The following SLC4A1 variants were observed in gnomAD, a reference collection of about 807,000 sequenced individuals.
SLC4A1 encodes the protein band 3 anion transport protein.
Under a neutral mutation model 93.1 loss-of-function variants are expected in SLC4A1, and 29 were observed. The observed-to-expected ratio is 0.31, with a 90% confidence interval of 0.23 to 0.42. The LOEUF (loss-of-function observed/expected upper bound fraction) is 0.42, where lower values mean the gene tolerates loss of function less well. Among genes scored for constraint, SLC4A1 ranks in the 20% least tolerant of loss-of-function variants. The pLI is 1.00. For synonymous variants in SLC4A1, 469 were observed against 497.2 expected, an observed-to-expected ratio of 0.94 and a Z score of 0.76; for missense variants, 965 against 1,190.1, an observed-to-expected ratio of 0.81 and a Z score of 2.78.
chr17:44,257,665 G>C lies in SLC4A1; in HGVS notation c.1425C>G (p.Phe475Leu). 1 of 1,613,782 alleles carries C rather than the reference G, an allele frequency of 6.2e-7. No homozygotes were observed. The highest frequency in any genetic ancestry group is 8.5e-7 in the Non-Finnish European group (1 of 1,179,948). Residue 475 changes from phenylalanine (F) to leucine (L), a missense_variant, in exon 12 of 20, where the codon TTC (phenylalanine) becomes TTG (leucine). Physicochemically the swap from Phe to Leu is conservative, Grantham distance 22. Transcript: ENST00000262418. The part of the protein sequence containing the change: ...SGPLLVFEEA[F>L]FSFCETNGLE... ...GGGGCAAGGACAGAACTACCGAGAA[G>C]AAGGCTTCCTCAAACACCAGCAGGG...
rs199694087 is a variant in SLC4A1, at chr17:44,250,478, C to G, written c.2716G>C (p.Glu906Gln). 954 of 1,613,890 alleles carry G rather than the reference C, an allele frequency of 5.9e-4. 9 individuals are homozygous for G. In the South Asian group the frequency reaches 9.7e-3, roughly 16 times the overall value. ...DEEEGRDEYDEVAMPV is the reference protein window; with the variant it reads ...DEEEGRDEYDQVAMPV ...GCCCCTCACACAGGCATGGCCACTT[C>G]GTCGTATTCATCCCGACCTTCCTCC... The change falls in exon 20 of 20, where the codon GAA becomes CAA. Residue 906 changes from glutamate (E) to glutamine (Q), a missense_variant. Glu to Gln is a conservative substitution (Grantham distance 29). Transcript: ENST00000262418.
chr17:44,251,657 T>C lies in SLC4A1; in HGVS notation c.2312-69A>G, dbSNP rs1598295629. On this transcript the variant is annotated intron_variant, in intron 17 of 19. Transcript: ENST00000262418. Reference sequence around the variant, plus strand: ...TGGCACCAGTGGGGGGTCAGGCCCCTATCTGGGGCTGGGAATAAAACACAG... The same window carrying C: ...TGGCACCAGTGGGGGGTCAGGCCCCCATCTGGGGCTGGGAATAAAACACAG... The C allele has an allele frequency of 9.7e-6, 14 of 1,440,616 alleles. No individual in the cohort carries two copies. In the East Asian group the frequency reaches 3.0e-4, roughly 31 times the overall value. The allele number at this position is 1,440,616 out of a possible 1,614,324, so 89.2% of individuals were successfully genotyped here.
At position 44,250,109 on chromosome 17, in the gene SLC4A1, C is replaced by T. The variant is rs1465204; in HGVS notation, c.*349G>A. 0.026 allele frequency: 8,718 copies of T among 339,414 alleles called. 735 individuals carry two copies. Among genetic ancestry groups the T allele is most frequent in the African/African-American group, 0.17 (8,087 of 47,770 alleles). The allele number at this position is 339,414 out of a possible 1,614,324, so 21.0% of individuals were successfully genotyped here. ...AAGGTCACACAGCAAGCACCCCACC[C>T]GCTCACCCACCTCCTGCCTTTGCTT... On this transcript the variant is annotated 3_prime_UTR_variant, in exon 20 of 20. Coordinates refer to ENST00000262418, the MANE Select transcript of SLC4A1 (RefSeq NM_000342.4).
At chr17:44,263,015 A>C in intron 1 of SLC4A1, 81 bp from the exon 2 acceptor site, 2 of 1,142,610 alleles carry the variant, frequency 1.8e-6, no homozygotes, top group Non-Finnish European at 2.6e-6. Flanking sequence ...GCCACATGTC[A>C]GTGGAGGGGA....
At position 44,258,022 on chromosome 17, in the gene SLC4A1, C is replaced by A; in HGVS notation, c.1246G>T (p.Ala416Ser). 6.2e-7 allele frequency: 1 copy of A among 1,614,104 alleles called. No homozygotes were observed. The highest frequency in any genetic ancestry group is 1.3e-5 in the African/African-American group (1 of 75,014). The change falls in exon 11 of 20, where the codon GCA becomes TCA. Residue 416 changes from alanine to serine, a missense_variant. Around this residue, in one of 2 missense-constraint regions of SLC4A1, gnomAD observed 770 missense variants for 1,006.6 expected, o/e 0.76. Transcript: ENST00000262418. The surrounding 1 kb of genome is among the most constrained non-coding windows in gnomAD (Gnocchi z 6.1). The stretch of plus-strand genomic sequence containing the variant: ...CCGAAGGTGATGGCGGGTGACAGTG[C>A]AGCAAAGTAGATGAAGATGACGGCA... ...LAAVIFIYFA[A>S]LSPAITFGGL...
rs774731313 is a variant in SLC4A1, at chr17:44,250,415, G to T, written c.*43C>A. ...CTTCTGCTTTTCCTTGGAAGGTGGGGATGTGGAATGGTGGGGGAGGGTCTA... is the reference window on the plus strand; with the variant it reads ...CTTCTGCTTTTCCTTGGAAGGTGGGTATGTGGAATGGTGGGGGAGGGTCTA... On this transcript the variant is annotated 3_prime_UTR_variant, in exon 20 of 20. Transcript: ENST00000262418. 1.4e-6 allele frequency: 2 copies of T among 1,468,832 alleles called. No individual in the cohort carries two copies. Among genetic ancestry groups the T allele is most frequent in the South Asian group, 2.3e-5 (2 of 88,056 alleles). 91.0% of individuals were successfully genotyped at this position (1,468,832 alleles called of 1,614,324 possible). A position where few individuals can be genotyped will look rare whatever the true frequency, so the allele number is the denominator to read the frequency against.
At position 44,262,905 on chromosome 17, in the gene SLC4A1, A is replaced by C. The variant is rs1348593690; in HGVS notation, c.-39T>G. 6.2e-7 allele frequency: 1 copy of C among 1,613,692 alleles called. No individual in the cohort carries two copies. Among genetic ancestry groups the C allele is most frequent in the Non-Finnish European group, 8.5e-7 (1 of 1,180,022 alleles). ...GTGTCCAGTTGTCTACGGTGATCTG[A>C]GCCCCCAGCATAACCCGCACCGCGG... On this transcript the variant is annotated 5_prime_UTR_variant, in exon 2 of 20. Coordinates refer to ENST00000262418, the MANE Select transcript of SLC4A1 (RefSeq NM_000342.4).
In SLC4A1 at chr17:44,249,591, A is replaced by C. The variant is rs1228108762; in HGVS notation, c.*867T>G. 1 of 177,708 alleles carries C rather than the reference A, an allele frequency of 5.6e-6. No individual in the cohort carries two copies. Among genetic ancestry groups the C allele is most frequent in the Non-Finnish European group, 1.2e-5 (1 of 84,234 alleles). The allele number at this position is 177,708 out of a possible 1,614,324, so 11.0% of individuals were successfully genotyped here. ...TCCACTGATTCCGGGGCCCTCAGTA[A>C]ATGTTTGTGGAATGAATGAATGAGT... On this transcript the variant is annotated 3_prime_UTR_variant, in exon 20 of 20. Transcript: ENST00000262418.
intron 6 of SLC4A1, 78 bp downstream of exon 6, chr17:44,260,326 G>C (rs1260195220): frequency 1.3e-6 from 2 of 1,545,266 alleles, no homozygotes; most frequent in African/African-American, 1.4e-5. Context: ...CCTGGATCCC[G>C]GGGGAGAACT....
At chr17:44,265,254 C>T (rs938321845) in intron 1 of SLC4A1, among the ~76,000 whole-genome samples, 2 of 151,758 alleles carry the variant, frequency 1.3e-5, no homozygotes, top group Admixed American at 6.6e-5. Flanking sequence ...CCCCAGGGGC[C>T]GAAAGTGCTG....
At chr17:44,255,598 A>G in intron 14 of SLC4A1, 75 bp downstream of exon 14, 5 of 1,437,564 alleles carry the variant, frequency 3.5e-6, no homozygotes, top group Non-Finnish European at 2.9e-6. Context: ...AAGGGCACTG[A>G]GGAATTTGGA....
rs138108967 is a variant in SLC4A1, at chr17:44,258,759, G to A, written c.877-136C>T. On this transcript the variant is annotated intron_variant, in intron 9 of 19. Coordinates refer to ENST00000262418, the MANE Select transcript of SLC4A1 (RefSeq NM_000342.4). This position sits in a 1 kb window ranked among gnomAD's most constrained non-coding sequence, Gnocchi z 6.1. ...TTGCCAGGAACTGCTTTTCCTGCCC[G>A]CTCCCACCCCTACTCTCCCCACTAA... is the stretch of plus-strand genomic sequence containing the variant. 241 of 825,832 alleles carry A rather than the reference G, an allele frequency of 2.9e-4. No homozygotes were observed. The East Asian group carries it at 6.2e-3, about 21-fold the overall frequency. The allele number at this position is 825,832 out of a possible 1,614,324, so 51.2% of individuals were successfully genotyped here.
Position 44,251,256 on chromosome 17 carries a change from G to A in SLC4A1, c.2558C>T (p.Thr853Met), listed in dbSNP as rs1420833243. ...CLAVLWVVKS[T>M]PASLALPFVL... ...GAAGGGCAGGGCCAGGGAGGCCGGC[G>A]TGGACTTCACCACCCACAGCACTGC... The change falls in exon 19 of 20, where the codon ACG becomes ATG. Residue 853 changes from threonine (T) to methionine (M), a missense_variant. This residue lies in a region of SLC4A1 where 770 missense variants were observed against 1,006.6 expected (regional missense o/e 0.76). Transcript: ENST00000262418. The A allele has an allele frequency of 3.1e-6, 5 of 1,614,086 alleles. No homozygotes were observed. Among genetic ancestry groups the A allele is most frequent in the African/African-American group, 2.7e-5 (2 of 74,930 alleles).
chr17:44,254,447 G>T (rs764026664), intron 16 of SLC4A1, 49 bp downstream of exon 16: 69 of 1,550,846 alleles, frequency 4.4e-5, no homozygotes, highest in South Asian at 1.1e-5. Context: ...GCCAGGGAAA[G>T]GTCCCTGCCT....
chr17:44,250,345 G>T lies in SLC4A1; in HGVS notation c.*113C>A. The stretch of plus-strand genomic sequence containing the variant: ...CCCCACCCACAGCCCTGGGGCCTCA[G>T]CTGCTGCTCCAGGAGGATCCTGGAG... On this transcript the variant is annotated 3_prime_UTR_variant, in exon 20 of 20. Coordinates refer to ENST00000262418, the MANE Select transcript of SLC4A1 (RefSeq NM_000342.4). 1 of 888,548 alleles carries T rather than the reference G, an allele frequency of 1.1e-6. No homozygotes were observed. The highest frequency in any genetic ancestry group is 1.9e-5 in the Admixed American group (1 of 53,402). The allele number at this position is 888,548 out of a possible 1,614,324, so 55.0% of individuals were successfully genotyped here.
chr17:44,253,086 G>GATGGTGA, intron 17 of SLC4A1, 32 bp downstream of exon 17: 1 of 1,604,052 alleles, frequency 6.2e-7, no homozygotes, highest in Non-Finnish European at 8.5e-7. Flanking sequence ...GGGGCAGGAG[G>GATGGTGA]ATGGTGAAGA....
intron 13 of SLC4A1, among the ~76,000 whole-genome samples, chr17:44,256,165 A>G (rs1484932018): frequency 6.6e-6 from 1 of 151,966 alleles, no homozygotes; most frequent in Non-Finnish European, 1.5e-5. Context: ...CCATCCATCC[A>G]TCCATCCATC....
chr17:44,254,196 G>A (rs919140407), intron 16 of SLC4A1, among the ~76,000 whole-genome samples: 7 of 151,906 alleles, frequency 4.6e-5, no homozygotes, highest in Non-Finnish European at 7.4e-5. Flanking sequence ...AGCTGGTCTC[G>A]AACTCCTGAC....
At chr17:44,265,702 C>T (rs2047490551) in intron 1 of SLC4A1, among the ~76,000 whole-genome samples, 1 of 152,084 alleles carries the variant, frequency 6.6e-6, no homozygotes, top group African/African-American at 2.4e-5. Flanking sequence ...GGCTGGGAGT[C>T]CAGATGTGAG....
Sources: gnomAD v4.1 joint callset for allele counts (sites outside exome capture counted in the v4.1 genomes callset) on GRCh38, gnomAD v4.1.1 for gene constraint, gnomAD v4.1.1 regional missense constraint, Gnocchi (gnomAD v3.1) non-coding constraint, MANE v1.5 for transcripts, NCBI Gene and HGNC (gene_info 2026-07-23, HGNC 2026-07-21) for gene names.